The following KDM4C variants were observed in gnomAD, a reference collection of about 807,000 sequenced individuals.
KDM4C encodes lysine demethylase 4C.
In KDM4C, 81 loss-of-function variants were observed where a neutral mutation model predicts 129.3. The ratio of observed to expected loss-of-function variants is 0.63; its 90% CI spans 0.52 to 0.75. The LOEUF (loss-of-function observed/expected upper bound fraction) is 0.75, where lower values mean the gene tolerates loss of function less well. Among genes scored for constraint, KDM4C ranks in the 30% least tolerant of loss-of-function variants. The pLI, the probability that KDM4C is intolerant of heterozygous loss-of-function variation, is 0.00. For missense variants in KDM4C, 1,457 were observed against 1,304.0 expected (o/e 1.12, Z -1.81); for synonymous variants, 573 against 456.1 (o/e 1.26, Z -3.26).
intron 3 of KDM4C, among the ~76,000 whole-genome samples, chr9:6,812,533 A>G (rs1831346935): frequency 6.6e-6 from 1 of 152,116 alleles, no homozygotes; most frequent in African/African-American, 2.4e-5. Flanking sequence ...AGGTTCTCAT[A>G]AGGAGTGTGC....
chr9:7,028,456 C>G (rs1293684491), intron 15 of KDM4C, among the ~76,000 whole-genome samples: 1 of 151,680 alleles, frequency 6.6e-6, no homozygotes, highest in Non-Finnish European at 1.5e-5. Flanking sequence ...AGCTGGTATC[C>G]AAGATGCAAG....
chr9:6,961,164 AG>A (rs1160655088), intron 8 of KDM4C, among the ~76,000 whole-genome samples: 2 of 152,236 alleles, frequency 1.3e-5, no homozygotes, highest in African/African-American at 2.4e-5. Context: ...TATTTACTAA[AG>A]GTAATATCTA....
At chr9:7,161,370 G>A (rs966611464) in intron 19 of KDM4C, among the ~76,000 whole-genome samples, 2 of 152,216 alleles carry the variant, frequency 1.3e-5, no homozygotes, top group Admixed American at 1.3e-4. Flanking sequence ...AGATGAACCA[G>A]GTATCTCAGT....
rs1279463148 is a variant in KDM4C at position 7,023,984 on chromosome 9, G to A, written c.2259+8055G>A. 2.6e-5 allele frequency among the ~76,000 whole-genome samples: 4 copies of A among 152,084 alleles called. No individual in the cohort carries two copies. The East Asian group carries it at 7.7e-4, about 29-fold the overall frequency. The stretch of plus-strand genomic sequence containing the variant: ...TGATTTCTATTTTTATTCCATTGTG[G>A]TCAAAGAAGATGCTTGATATTATTG... On this transcript the variant is annotated intron_variant, in intron 15 of 21. Transcript: ENST00000381309.
chr9:6,883,619 A>G (rs1844809373), intron 6 of KDM4C, among the ~76,000 whole-genome samples: 1 of 152,228 alleles, frequency 6.6e-6, no homozygotes, highest in South Asian at 2.1e-4. Context: ...AACATAATTC[A>G]TTTGTGAGTG....
At chr9:6,734,117 A>G (rs1237967438) in intron 1 of KDM4C, among the ~76,000 whole-genome samples, 1 of 152,054 alleles carries the variant, frequency 6.6e-6, no homozygotes, top group Non-Finnish European at 1.5e-5. Flanking sequence ...CCCCTATTCA[A>G]GATGGAGTTG....
At chr9:7,014,608 G>C (rs966337516) in intron 14 of KDM4C, among the ~76,000 whole-genome samples, 1 of 152,068 alleles carries the variant, frequency 6.6e-6, no homozygotes, top group South Asian at 2.1e-4. Context: ...CTATGTAAAA[G>C]GGATCTCATA....
At chr9:7,099,184 G>C (rs1046074890) in intron 17 of KDM4C, among the ~76,000 whole-genome samples, 2 of 152,160 alleles carry the variant, frequency 1.3e-5, no homozygotes, top group Admixed American at 1.3e-4. Context: ...TGGAATACCT[G>C]CCTGTTTGTG....
At chr9:6,854,281 C>T (rs1376962290) in intron 5 of KDM4C, among the ~76,000 whole-genome samples, 1 of 152,016 alleles carries the variant, frequency 6.6e-6, no homozygotes, top group East Asian at 1.9e-4. Flanking sequence ...GTAATCCCAG[C>T]ACTTTGGGAG....
intron 19 of KDM4C, among the ~76,000 whole-genome samples, chr9:7,150,534 CT>C (rs1381913070): frequency 6.6e-6 from 1 of 152,228 alleles, no homozygotes; most frequent in East Asian, 1.9e-4. Flanking sequence ...AGGGCTGGGT[CT>C]TTTTTGTCTC....
At chr9:6,793,260 A>T in intron 2 of KDM4C, 128 bp downstream of exon 2, 2 of 840,294 alleles carry the variant, frequency 2.4e-6, no homozygotes, top group Middle Eastern at 3.3e-4. Context: ...TCGTTAATCC[A>T]TGTGAAACAT....
chr9:7,071,288 T>C lies in KDM4C; in HGVS notation c.2424+22088T>C, dbSNP rs181355053. On this transcript the variant is annotated intron_variant, in intron 17 of 21. Transcript: ENST00000381309. ...ATGAAATTTCCAGCAGGATTTACTA[T>C]AGAAAATGATAATCGAATTCTAAAA... 1.2e-4 allele frequency among the ~76,000 whole-genome samples: 18 copies of C among 152,292 alleles called. No individual in the cohort carries two copies. In the East Asian group the frequency reaches 3.1e-3, roughly 26 times the overall value.
At position 7,019,735 on chromosome 9, in the gene KDM4C, TA is replaced by T. The variant is rs1251142648; in HGVS notation, c.2259+3811del. On this transcript the variant is annotated intron_variant, in intron 15 of 21. Transcript: ENST00000381309. The stretch of plus-strand genomic sequence containing the variant: ...TATAAAAATATAATATTTTTATATA[TA>T]AAAATATAATATTTTTATATATAAA... Among the ~76,000 whole-genome samples the T allele has an allele frequency of 2.0e-3, 231 of 114,638 alleles. 3 individuals are homozygous for T. Among genetic ancestry groups the T allele is most frequent in the African/African-American group, 8.8e-3 (228 of 26,030 alleles). 75.2% of individuals were successfully genotyped at this position (114,638 alleles called of 152,430 possible). A position where few individuals can be genotyped will look rare whatever the true frequency, so the allele number is the denominator to read the frequency against.
chr9:7,082,032 G>T (rs1428529980), intron 17 of KDM4C, among the ~76,000 whole-genome samples: 1 of 152,174 alleles, frequency 6.6e-6, no homozygotes, highest in Non-Finnish European at 1.5e-5. Context: ...CTTTGCCCCT[G>T]TGAAAAGCAT....
intron 8 of KDM4C, among the ~76,000 whole-genome samples, chr9:6,977,878 C>G (rs1336221655): frequency 2.6e-5 from 4 of 152,052 alleles, no homozygotes; most frequent in Non-Finnish European, 4.4e-5. Flanking sequence ...ACTTACTTCC[C>G]CTTGACCCTT....
chr9:6,956,870 C>T (rs923808487), intron 8 of KDM4C, among the ~76,000 whole-genome samples: 8 of 152,266 alleles, frequency 5.3e-5, no homozygotes, highest in African/African-American at 1.9e-4. Context: ...CTTCAGAGCT[C>T]AGCTGGAGCG....
intron 18 of KDM4C, among the ~76,000 whole-genome samples, chr9:7,111,595 G>T (rs1303978936): frequency 6.6e-6 from 1 of 152,134 alleles, no homozygotes; most frequent in Non-Finnish European, 1.5e-5. Flanking sequence ...AGAGTCCAGG[G>T]TGTTCTAAGC....
chr9:7,080,794 C>T (rs530652877), intron 17 of KDM4C, among the ~76,000 whole-genome samples: 100 of 152,248 alleles, frequency 6.6e-4, no homozygotes, highest in African/African-American at 2.3e-3. Flanking sequence ...ACAGTACAAC[C>T]CCATAAATCT....
intron 18 of KDM4C, chr9:7,127,778 T>TATAC: frequency 4.1e-6 from 1 of 244,316 alleles, no homozygotes. Flanking sequence ...TGTGTATATA[T>TATAC]ATACATACAT....
Sources: gnomAD v4.1 joint callset for allele counts (sites outside exome capture counted in the v4.1 genomes callset) on GRCh38, gnomAD v4.1.1 for gene constraint, MANE v1.5 for transcripts, NCBI Gene and HGNC (gene_info 2026-07-23, HGNC 2026-07-21) for gene names.